Variants in TMEM132C observed in about 807,000 individuals in gnomAD.
TMEM132C encodes the protein transmembrane protein 132C.
Under a neutral mutation model 61.4 loss-of-function variants are expected in TMEM132C, and 29 were observed. The observed-to-expected ratio is 0.47, with a 90% CI of 0.35 to 0.64. TMEM132C has a LOEUF of 0.64. Among genes scored for constraint, TMEM132C ranks in the 30% least tolerant of loss-of-function variants. The pLI is 0.00. For missense variants in TMEM132C, 1,408 were observed against 1,476.9 expected (o/e 0.95, Z 0.76); for synonymous variants, 656 against 633.1 (o/e 1.04, Z -0.54).
intron 3 of TMEM132C, among the ~76,000 whole-genome samples, chr12:128,614,880 C>T (rs370159599): frequency 9.8e-4 from 150 of 152,286 alleles, no homozygotes; most frequent in African/African-American, 3.1e-3. Flanking sequence ...ATAACACAGA[C>T]GACAAAGGTC....
chr12:128,611,732 G>T (rs1876641499), intron 3 of TMEM132C, among the ~76,000 whole-genome samples: 1 of 152,212 alleles, frequency 6.6e-6, no homozygotes. Context: ...GCTAAAAAGT[G>T]AAGGTTCTTA....
chr12:128,653,307 G>T (rs1238899867), intron 4 of TMEM132C, among the ~76,000 whole-genome samples: 1 of 152,168 alleles, frequency 6.6e-6, no homozygotes, highest in African/African-American at 2.4e-5. Flanking sequence ...GATTAGAGTC[G>T]CCTTCTGGCA....
chr12:128,485,535 C>A (rs1871459673), intron 2 of TMEM132C, among the ~76,000 whole-genome samples: 1 of 151,840 alleles, frequency 6.6e-6, no homozygotes, highest in Non-Finnish European at 1.5e-5. Context: ...TAACCCTTGC[C>A]CAAGGGAATG....
intron 1 of TMEM132C, among the ~76,000 whole-genome samples, chr12:128,311,625 T>G (rs982481188): frequency 6.6e-6 from 1 of 152,216 alleles, no homozygotes; most frequent in African/African-American, 2.4e-5. Flanking sequence ...TCAGAACAGT[T>G]CTTTGTTCCC....
chr12:128,654,631 C>T (rs889884157), intron 4 of TMEM132C, among the ~76,000 whole-genome samples: 10 of 152,170 alleles, frequency 6.6e-5, no homozygotes, highest in African/African-American at 2.4e-4. Flanking sequence ...ATTGATGGCT[C>T]CTGCAGGATC....
At chr12:128,449,334 G>A (rs1870104513) in intron 2 of TMEM132C, among the ~76,000 whole-genome samples, 1 of 152,030 alleles carries the variant, frequency 6.6e-6, no homozygotes, top group South Asian at 2.1e-4. Context: ...AGACAAGCCT[G>A]CTCATTTACT....
intron 1 of TMEM132C, among the ~76,000 whole-genome samples, chr12:128,381,761 G>A (rs577363025): frequency 3.0e-4 from 46 of 152,296 alleles, no homozygotes; most frequent in Non-Finnish European, 5.0e-4. Context: ...GGCATCTGGC[G>A]GCTTGAAAGA....
intron 1 of TMEM132C, among the ~76,000 whole-genome samples, chr12:128,290,601 C>G (rs1420143388): frequency 1.3e-5 from 2 of 152,120 alleles, no homozygotes; most frequent in Non-Finnish European, 2.9e-5. Flanking sequence ...ATAGGGTCCC[C>G]CCTGGCCAGG....
chr12:128,589,936 G>A (rs1267700955), intron 3 of TMEM132C, among the ~76,000 whole-genome samples: 7 of 152,254 alleles, frequency 4.6e-5, no homozygotes, highest in East Asian at 3.9e-4. Context: ...CATCATCATC[G>A]TTGTTGTTAC....
chr12:128,668,110 A>G (rs1335220971), intron 4 of TMEM132C, among the ~76,000 whole-genome samples: 1 of 152,150 alleles, frequency 6.6e-6, no homozygotes, highest in Admixed American at 6.5e-5. Flanking sequence ...CTGTCTCTAC[A>G]AGAAAAGTAA....
chr12:128,705,480 G>A lies in TMEM132C; in HGVS notation c.2512G>A (p.Gly838Arg). The A allele has an allele frequency of 6.4e-7, 1 of 1,551,112 alleles. No homozygotes were observed. The highest frequency in any genetic ancestry group is 8.7e-7 in the Non-Finnish European group (1 of 1,146,864). The change falls in exon 9 of 9, where the codon GGG (glycine) becomes AGG (arginine). Residue 838 changes from glycine to arginine, a missense_variant. By Grantham distance (125) the Gly-to-Arg change is moderately radical. Coordinates refer to ENST00000435159, the MANE Select transcript of TMEM132C (RefSeq NM_001136103.3). The stretch of plus-strand genomic sequence containing the variant: ...GCACCATGAGCGCACAGGCCAAGAT[G>A]GGCACCTCTATGGCAGCTCTCCCGT... The part of the protein sequence containing the change: ...GQHHERTGQD[G>R]HLYGSSPVER...
chr12:128,596,971 G>A (rs758800455), intron 3 of TMEM132C, among the ~76,000 whole-genome samples: 5 of 152,182 alleles, frequency 3.3e-5, no homozygotes, highest in Admixed American at 6.5e-5. Context: ...CTTTCAAGGC[G>A]TTCCATAATG....
intron 4 of TMEM132C, 88 bp downstream of exon 4, chr12:128,616,423 C>G: frequency 7.5e-7 from 1 of 1,339,744 alleles, no homozygotes; most frequent in Non-Finnish European, 1.0e-6. Context: ...ATGTTTGCTA[C>G]AATGATTTTA....
intron 2 of TMEM132C, among the ~76,000 whole-genome samples, chr12:128,481,483 C>T (rs1593068901): frequency 6.6e-6 from 1 of 152,206 alleles, no homozygotes; most frequent in East Asian, 1.9e-4. Flanking sequence ...CAGACAAGTG[C>T]TTTTCCACCA....
chr12:128,358,381 C>A (rs1443497107), intron 1 of TMEM132C, among the ~76,000 whole-genome samples: 1 of 152,126 alleles, frequency 6.6e-6, no homozygotes, highest in African/African-American at 2.4e-5. Context: ...CAAGCAAAAC[C>A]AAGCTAAGTG....
intron 5 of TMEM132C, among the ~76,000 whole-genome samples, chr12:128,687,628 C>T (rs1219863872): frequency 1.3e-5 from 2 of 152,220 alleles, no homozygotes; most frequent in Non-Finnish European, 2.9e-5. Context: ...AGGCCAGCAG[C>T]TGGGTCGAGT....
chr12:128,299,320 A>G (rs1199527895), intron 1 of TMEM132C, among the ~76,000 whole-genome samples: 1 of 152,190 alleles, frequency 6.6e-6, no homozygotes, highest in African/African-American at 2.4e-5. Context: ...GTCAACCACA[A>G]GAAACACCTG....
At chr12:128,463,987 T>C (rs1870633823) in intron 2 of TMEM132C, among the ~76,000 whole-genome samples, 1 of 152,166 alleles carries the variant, frequency 6.6e-6, no homozygotes, top group Non-Finnish European at 1.5e-5. Context: ...CATTTACTTT[T>C]TCCAGCAGCT....
At chr12:128,334,924 A>G (rs973249122) in intron 1 of TMEM132C, among the ~76,000 whole-genome samples, 1 of 152,194 alleles carries the variant, frequency 6.6e-6, no homozygotes, top group Non-Finnish European at 1.5e-5. Context: ...GCACATAGCT[A>G]AGGCTATAAA....
Sources: allele counts gnomAD v4.1 joint callset (sites outside exome capture counted in the v4.1 genomes callset), GRCh38; gene constraint gnomAD v4.1.1; transcripts MANE v1.5; gene names NCBI Gene and HGNC (gene_info 2026-07-23, HGNC 2026-07-21).